SLC9B1: variants seen among roughly 807,000 people sequenced by gnomAD.
The protein encoded by SLC9B1 is solute carrier family 9 member B1.
A neutral mutation model predicts 51.7 loss-of-function variants in SLC9B1; 32 were observed. That is an observed-to-expected ratio of 0.62 (90% CI 0.47 to 0.83). The LOEUF (loss-of-function observed/expected upper bound fraction) is 0.83. Among genes scored for constraint, SLC9B1 ranks in the 40% least tolerant of loss-of-function variants. The pLI is 0.00. For missense variants in SLC9B1, 406 were observed against 613.2 expected, an observed-to-expected ratio of 0.66 and a Z score of 3.57; for synonymous variants, 145 against 212.7, an observed-to-expected ratio of 0.68 and a Z score of 2.77.
intron 3 of SLC9B1, among the ~76,000 whole-genome samples, chr4:102,978,621 C>T (rs536263133): frequency 6.6e-6 from 1 of 152,332 alleles, no homozygotes; most frequent in South Asian, 2.1e-4. Flanking sequence ...GAGATACCAT[C>T]TCACACCAGT....
intron 11 of SLC9B1, among the ~76,000 whole-genome samples, chr4:102,903,767 G>T (rs1396300002): frequency 6.6e-6 from 1 of 152,144 alleles, no homozygotes; most frequent in African/African-American, 2.4e-5. Flanking sequence ...AAATTACAAG[G>T]TTTCCCTTTC....
intron 7 of SLC9B1, among the ~76,000 whole-genome samples, chr4:102,921,996 G>T (rs1335577841): frequency 6.6e-6 from 1 of 152,118 alleles, no homozygotes; most frequent in Non-Finnish European, 1.5e-5. Context: ...ATATTAGAAA[G>T]ATCAAGAAGA....
chr4:102,997,566 G>C (rs1023810924), intron 1 of SLC9B1, among the ~76,000 whole-genome samples: 8 of 152,168 alleles, frequency 5.3e-5, no homozygotes, highest in Non-Finnish European at 1.0e-4. Context: ...CTGTAGATTT[G>C]TTTGGATTTT....
intron 7 of SLC9B1, 128 bp from the exon 8 acceptor site, chr4:102,911,665 G>C (rs1318654708): frequency 5.1e-6 from 3 of 589,428 alleles, no homozygotes; most frequent in Non-Finnish European, 8.9e-6. Context: ...TATGCAAATG[G>C]TCTTTTTATA....
chr4:102,922,714 T>C (rs1735944236), intron 7 of SLC9B1, among the ~76,000 whole-genome samples: 1 of 151,924 alleles, frequency 6.6e-6, no homozygotes, highest in Non-Finnish European at 1.5e-5. Context: ...ATAAAAATGA[T>C]AAAGGGGATA....
intron 7 of SLC9B1, among the ~76,000 whole-genome samples, chr4:102,928,974 ACTT>A (rs1450250453): frequency 1.3e-5 from 2 of 152,106 alleles, no homozygotes; most frequent in African/African-American, 2.4e-5. Context: ...CTTCTCCTAA[ACTT>A]CTTCTGCCTG....
intron 7 of SLC9B1, among the ~76,000 whole-genome samples, chr4:102,931,081 C>T (rs1736426773): frequency 1.3e-5 from 2 of 151,742 alleles, no homozygotes; most frequent in Non-Finnish European, 2.9e-5. Context: ...AAAAAATTAG[C>T]CGGGCGTGGT....
At chr4:102,998,604 G>GT (rs138863134) in intron 1 of SLC9B1, among the ~76,000 whole-genome samples, 60,176 of 146,214 alleles carry the variant, frequency 0.41, 12,639 homozygotes, top group African/African-American at 0.56. Context: ...TCATCATATG[G>GT]TTTTTTTTTT....
chr4:102,908,710 C>T (rs1244275697), intron 9 of SLC9B1, among the ~76,000 whole-genome samples: 17 of 152,270 alleles, frequency 1.1e-4, no homozygotes, highest in Non-Finnish European at 2.1e-4. Flanking sequence ...AATCCAAAAC[C>T]AAAAAAGGAA....
chr4:102,979,204 T>C (rs146538801), intron 3 of SLC9B1, among the ~76,000 whole-genome samples: 46 of 152,350 alleles, frequency 3.0e-4, no homozygotes, highest in African/African-American at 1.0e-3. Context: ...ATTTGCTCTT[T>C]GCCAAGATTG....
intron 3 of SLC9B1, among the ~76,000 whole-genome samples, chr4:102,979,754 C>T (rs564853829): frequency 6.6e-6 from 1 of 152,196 alleles, no homozygotes; most frequent in East Asian, 1.9e-4. Context: ...TTTAGGCTCA[C>T]AGCAAAATTG....
chr4:102,980,210 A>G (rs1473823533), intron 3 of SLC9B1, among the ~76,000 whole-genome samples: 2 of 152,232 alleles, frequency 1.3e-5, no homozygotes, highest in African/African-American at 4.8e-5. Context: ...ATCCAGGAGC[A>G]GAAATACCAT....
chr4:102,968,044 A>C (rs767669829), intron 3 of SLC9B1, among the ~76,000 whole-genome samples: 19 of 152,310 alleles, frequency 1.2e-4, no homozygotes, highest in South Asian at 4.1e-4. Flanking sequence ...AGAATAGCCA[A>C]AAAAATCTTG....
rs190267383 is a variant in SLC9B1, at chr4:102,979,556, T to C, written c.211+10244A>G. The stretch of plus-strand genomic sequence containing the variant: ...GCTTTCCAGACAGGAGGAGACACGA[T>C]CTATGGAGAAGCCTTATGTTTACTC... On this transcript the variant is annotated intron_variant, in intron 3 of 11. Transcript: ENST00000296422. Among the ~76,000 whole-genome samples, 6 of 152,242 alleles carry C rather than the reference T, an allele frequency of 3.9e-5. No individual in the cohort carries two copies. The East Asian group carries it at 9.6e-4, about 24-fold the overall frequency.
At chr4:102,994,893 G>C (rs1356375409) in intron 1 of SLC9B1, among the ~76,000 whole-genome samples, 2 of 152,138 alleles carry the variant, frequency 1.3e-5, no homozygotes, top group African/African-American at 4.8e-5. Context: ...CCTCCTCATT[G>C]TTCCACCCCT....
chr4:103,009,254 G>T (rs1353226159), intron 1 of SLC9B1, among the ~76,000 whole-genome samples: 1 of 152,082 alleles, frequency 6.6e-6, no homozygotes, highest in Non-Finnish European at 1.5e-5. Context: ...GTCTTTCCTT[G>T]GTGTGTCCAT....
intron 7 of SLC9B1, among the ~76,000 whole-genome samples, chr4:102,924,291 A>G (rs1736043764): frequency 6.6e-6 from 1 of 152,226 alleles, no homozygotes; most frequent in Non-Finnish European, 1.5e-5. Context: ...AACCTGACAT[A>G]AACGAGAAAT....
chr4:102,985,211 G>A (rs1235947709), intron 3 of SLC9B1, among the ~76,000 whole-genome samples: 1 of 152,016 alleles, frequency 6.6e-6, no homozygotes, highest in Admixed American at 6.6e-5. Context: ...TATGTATCTT[G>A]TAAAAAACAC....
intron 3 of SLC9B1, among the ~76,000 whole-genome samples, chr4:102,957,366 C>T (rs9684904): frequency 0.017 from 2,592 of 152,118 alleles, 72 homozygotes; most frequent in African/African-American, 0.056. Flanking sequence ...AGATTCACAC[C>T]TAGAGCCATC....
Sources: gnomAD v4.1 joint callset for allele counts (sites outside exome capture counted in the v4.1 genomes callset) on GRCh38, gnomAD v4.1.1 for gene constraint, MANE v1.5 for transcripts, NCBI Gene and HGNC (gene_info 2026-07-23, HGNC 2026-07-21) for gene names.